Variants in MAGI1 observed in about 807,000 individuals in gnomAD.
MAGI1 encodes the protein membrane associated guanylate kinase, WW and PDZ domain containing 1, also known as membrane-associated guanylate kinase, WW and PDZ domain-containing protein 1.
MAGI1 carries 58 observed loss-of-function variants against 139.9 expected under a neutral mutation model. The ratio of observed to expected loss-of-function variants is 0.41; its 90% CI spans 0.34 to 0.52. The LOEUF is 0.52. Ranked by LOEUF, MAGI1 falls within the 20% of genes least tolerant of loss-of-function variation. MAGI1 has a pLI of 0.12. For synonymous variants in MAGI1, 812 were observed against 737.9 expected (o/e 1.10, Z -1.63); for missense variants, 1,874 against 1,901.6 (o/e 0.99, Z 0.27).
chr3:65,444,865 A>G (rs1309215861), intron 7 of MAGI1, among the ~76,000 whole-genome samples: 3 of 152,316 alleles, frequency 2.0e-5, no homozygotes, highest in South Asian at 4.2e-4. Flanking sequence ...GAAATTGAAA[A>G]GATAGTTTCT....
At chr3:65,424,395 C>A (rs1946855862) in intron 12 of MAGI1, among the ~76,000 whole-genome samples, 1 of 152,198 alleles carries the variant, frequency 6.6e-6, no homozygotes, top group South Asian at 2.1e-4. Flanking sequence ...CCAGGAAGTG[C>A]CAGAGACACA....
intron 1 of MAGI1, among the ~76,000 whole-genome samples, chr3:65,959,632 T>TTAC (rs2064315005): frequency 6.9e-6 from 1 of 144,898 alleles, no homozygotes; most frequent in Non-Finnish European, 1.5e-5. Flanking sequence ...ATTATTATTA[T>TTAC]TATTATTATT....
At chr3:65,807,823 T>C (rs1201333457) in intron 1 of MAGI1, among the ~76,000 whole-genome samples, 1 of 152,178 alleles carries the variant, frequency 6.6e-6, no homozygotes, top group African/African-American at 2.4e-5. Context: ...TCAAGATAGA[T>C]ACCAGTATCT....
intron 6 of MAGI1, among the ~76,000 whole-genome samples, chr3:65,451,171 G>A (rs1161414295): frequency 1.3e-5 from 2 of 152,082 alleles, no homozygotes; most frequent in Admixed American, 6.6e-5. Context: ...TAACAAAAAT[G>A]CCAATTCCAT....
chr3:65,403,253 CCTT>C (rs1225318003), intron 12 of MAGI1, among the ~76,000 whole-genome samples: 1 of 152,172 alleles, frequency 6.6e-6, no homozygotes, highest in East Asian at 1.9e-4. Flanking sequence ...TTTTCACCCT[CCTT>C]AGCTAATTTA....
intron 2 of MAGI1, among the ~76,000 whole-genome samples, chr3:65,582,712 C>A (rs2081494969): frequency 6.6e-6 from 1 of 152,180 alleles, no homozygotes; most frequent in Non-Finnish European, 1.5e-5. Context: ...CCACTACGAC[C>A]CCAAAGCCTC....
intron 1 of MAGI1, among the ~76,000 whole-genome samples, chr3:65,784,236 T>C (rs1166331437): frequency 1.3e-5 from 2 of 151,848 alleles, no homozygotes; most frequent in Non-Finnish European, 1.5e-5. Flanking sequence ...AGTCTGGGAG[T>C]TCTTCAAAAA....
At chr3:65,916,180 C>G (rs972592752) in intron 1 of MAGI1, among the ~76,000 whole-genome samples, 19 of 152,000 alleles carry the variant, frequency 1.3e-4, no homozygotes, top group Admixed American at 7.2e-4. Flanking sequence ...GATTCTCATG[C>G]CTAAACCTCC....
chr3:65,552,491 C>G (rs899951688), intron 2 of MAGI1, among the ~76,000 whole-genome samples: 1 of 152,144 alleles, frequency 6.6e-6, no homozygotes, highest in East Asian at 1.9e-4. Context: ...CCTAACCACT[C>G]TTGGATTCTG....
chr3:65,795,894 C>G (rs917939932), intron 1 of MAGI1, among the ~76,000 whole-genome samples: 2 of 151,310 alleles, frequency 1.3e-5, no homozygotes. Flanking sequence ...CTACTAAAAA[C>G]ACAAAAATTA....
intron 1 of MAGI1, among the ~76,000 whole-genome samples, chr3:65,770,967 A>C (rs1312093081): frequency 6.6e-6 from 1 of 152,076 alleles, no homozygotes; most frequent in East Asian, 1.9e-4. Context: ...CTGGGATTAC[A>C]AACGCAAGCC....
intron 1 of MAGI1, among the ~76,000 whole-genome samples, chr3:66,014,258 T>G (rs1430389808): frequency 6.6e-6 from 1 of 152,210 alleles, no homozygotes; most frequent in Non-Finnish European, 1.5e-5. Flanking sequence ...ATGGTCACCC[T>G]TCTCAGAGGT....
chr3:65,692,125 G>T (rs2088723946), intron 1 of MAGI1, among the ~76,000 whole-genome samples: 1 of 151,960 alleles, frequency 6.6e-6, no homozygotes, highest in Non-Finnish European at 1.5e-5. Context: ...AAAAAAATGT[G>T]ATCTGGACAT....
At chr3:65,962,214 G>T (rs2064470287) in intron 1 of MAGI1, among the ~76,000 whole-genome samples, 1 of 150,498 alleles carries the variant, frequency 6.6e-6, no homozygotes, top group South Asian at 2.1e-4. Flanking sequence ...GCTCTGCAGT[G>T]GTTCACGCCA....
At chr3:65,672,049 T>C (rs929439733) in intron 1 of MAGI1, among the ~76,000 whole-genome samples, 1 of 152,122 alleles carries the variant, frequency 6.6e-6, no homozygotes, top group Non-Finnish European at 1.5e-5. Context: ...GGAGATGCAA[T>C]TTTCCCATTA....
intron 12 of MAGI1, among the ~76,000 whole-genome samples, chr3:65,408,485 G>A (rs891389259): frequency 3.3e-5 from 5 of 151,958 alleles, no homozygotes; most frequent in Admixed American, 6.6e-5. Flanking sequence ...AGAGATTATC[G>A]AGGCAAAGTC....
intron 10 of MAGI1, among the ~76,000 whole-genome samples, chr3:65,435,663 G>T (rs1559551949): frequency 6.6e-6 from 1 of 152,170 alleles, no homozygotes; most frequent in East Asian, 1.9e-4. Context: ...GGAAACTATT[G>T]TTAAATAATA....
At chr3:65,587,366 T>C (rs1034140829) in intron 2 of MAGI1, among the ~76,000 whole-genome samples, 2 of 152,202 alleles carry the variant, frequency 1.3e-5, no homozygotes, top group Admixed American at 6.5e-5. Context: ...ATGTAATTTA[T>C]TGAATACTGT....
intron 1 of MAGI1, among the ~76,000 whole-genome samples, chr3:65,799,144 G>A (rs1176210928): frequency 1.3e-5 from 2 of 152,286 alleles, no homozygotes; most frequent in Non-Finnish European, 2.9e-5. Context: ...TGAGGTTGCT[G>A]AGCTCTATAG....
Sources: gnomAD v4.1 joint callset for allele counts (sites outside exome capture counted in the v4.1 genomes callset) on GRCh38, gnomAD v4.1.1 for gene constraint, MANE v1.5 for transcripts, NCBI Gene and HGNC (gene_info 2026-07-23, HGNC 2026-07-21) for gene names.